Variants in GGNBP2 observed in about 807,000 individuals in gnomAD.
GGNBP2 encodes gametogenetin-binding protein 2.
A neutral mutation model predicts 85.9 loss-of-function variants in GGNBP2; 10 were observed. The ratio of observed to expected loss-of-function variants is 0.12; its 90% CI spans 0.07 to 0.20. The LOEUF is 0.20. Among genes scored for constraint, GGNBP2 ranks in the 10% least tolerant of loss-of-function variants. The pLI, the probability that GGNBP2 is intolerant of heterozygous loss-of-function variation, is 1.00. For missense variants in GGNBP2, 595 were observed against 857.8 expected (o/e 0.69, Z 3.83); for synonymous variants, 287 against 285.7 (o/e 1.00, Z -0.05).
chr17:36,566,676 G>A (rs1476318756), intron 5 of GGNBP2, among the ~76,000 whole-genome samples: 1 of 149,488 alleles, frequency 6.7e-6, no homozygotes, highest in Non-Finnish European at 1.5e-5. Flanking sequence ...GCGAGAATCT[G>A]TCTCAAAAAA....
At position 36,557,235 on chromosome 17, in the gene GGNBP2, T is replaced by A; in HGVS notation, c.327T>A (p.Pro109=). 3.1e-6 allele frequency: 5 copies of A among 1,614,190 alleles called. No homozygotes were observed. The highest frequency in any genetic ancestry group is 4.2e-6 in the Non-Finnish European group (5 of 1,180,028). ...LFSQLVESGN[P]ALEPLTVGPK... ...CCCAGCTTGTAGAGTCTGGAAATCC[T>A]GCTCTTGAACCCCTAACAGTAGGGC... Residue 109 remains proline (P), a synonymous_variant, in exon 4 of 14, where the codon CCT becomes CCA. Transcript: ENST00000613102.
At chr17:36,579,540 G>A in intron 8 of GGNBP2, 121 bp downstream of exon 8, 1 of 831,986 alleles carries the variant, frequency 1.2e-6, no homozygotes, top group Non-Finnish European at 1.9e-6. Context: ...TCATGGATTT[G>A]GCTGGATATT....
intron 4 of GGNBP2, among the ~76,000 whole-genome samples, chr17:36,559,457 T>A (rs929246412): frequency 6.6e-6 from 1 of 152,090 alleles, no homozygotes; most frequent in South Asian, 2.1e-4. Flanking sequence ...GGGTTAGAGA[T>A]GTAAATTTGT....
chr17:36,547,055 CA>C (rs2074262184), intron 2 of GGNBP2: 1 of 151,932 alleles, frequency 6.6e-6, no homozygotes, highest in African/African-American at 2.4e-5. Context: ...ATTTATTTTT[CA>C]TGAAAAAAGG....
At position 36,585,469 on chromosome 17, in the gene GGNBP2, TTTAAAATGAACTC is replaced by T; in HGVS notation, c.1366+24_1366+36del. 1 of 1,536,516 alleles carries T rather than the reference TTTAAAATGAACTC, an allele frequency of 6.5e-7. No homozygotes were observed. Among genetic ancestry groups the T allele is most frequent in the Non-Finnish European group, 8.9e-7 (1 of 1,123,006 alleles). On this transcript the variant is annotated intron_variant, in intron 10 of 13. Transcript: ENST00000613102. ...AAGAAAGGTAAGTAAATAATTTCTT[TTTAAAATGAACTC>T]TTAACTCTATTCTTTCTTACTGTTA...
intron 1 of GGNBP2, 52 bp from the exon 2 acceptor site, chr17:36,545,567 A>C: frequency 3.3e-6 from 2 of 597,220 alleles, no homozygotes; most frequent in Non-Finnish European, 6.0e-6. Context: ...CCCCGTGGCG[A>C]ATGTGCTGCG....
rs536731827 is a variant in GGNBP2 at position 36,580,266 on chromosome 17, G to A, written c.1020+847G>A. Among the ~76,000 whole-genome samples, 5 of 148,914 alleles carry A rather than the reference G, an allele frequency of 3.4e-5. No individual in the cohort carries two copies. In the Admixed American group the frequency reaches 3.4e-4, roughly 10 times the overall value. On this transcript the variant is annotated intron_variant, in intron 8 of 13. Transcript: ENST00000613102. ...TCTGTTACCCAGGCTGGAGTGCAGT[G>A]GCATGATCTCGGCTCACTGCAAGCT...
intron 6 of GGNBP2, chr17:36,575,176 G>A (rs890464489): frequency 2.8e-5 from 18 of 651,698 alleles, no homozygotes; most frequent in South Asian, 1.3e-4. Context: ...CTTTATCCTC[G>A]GCCTTGCCTC....
chr17:36,586,062 G>A lies in GGNBP2; in HGVS notation c.1505G>A (p.Cys502Tyr). The A allele has an allele frequency of 6.2e-7, 1 of 1,613,650 alleles. No individual in the cohort carries two copies. Among genetic ancestry groups the A allele is most frequent in the African/African-American group, 1.3e-5 (1 of 75,024 alleles). Reference sequence around the variant, plus strand: ...TTGATTTCTGCAGGTGATGACTCTTGTGTTCATCACTGTGAAGACAAAGAG... The same window carrying A: ...TTGATTTCTGCAGGTGATGACTCTTATGTTCATCACTGTGAAGACAAAGAG... ...CNHDEHGDDSCVHHCEDKEDD... is the reference protein window; with the variant it reads ...CNHDEHGDDSYVHHCEDKEDD... The change falls in exon 12 of 14, where the codon TGT (cysteine) becomes TAT (tyrosine). Residue 502 changes from cysteine to tyrosine, a missense_variant. This residue lies in a region of GGNBP2 where 35 missense variants were observed against 49.6 expected (regional missense o/e 0.71). Transcript: ENST00000613102.
At chr17:36,583,619 C>T (rs543123415) in intron 9 of GGNBP2, among the ~76,000 whole-genome samples, 11 of 152,076 alleles carry the variant, frequency 7.2e-5, no homozygotes, top group East Asian at 1.9e-4. Context: ...CCACCATGCC[C>T]GGCTAATTTT....
chr17:36,559,301 A>T (rs1167720860), intron 4 of GGNBP2, among the ~76,000 whole-genome samples: 2 of 149,760 alleles, frequency 1.3e-5, no homozygotes, highest in African/African-American at 4.9e-5. Flanking sequence ...TGTCTCAAAA[A>T]AAAAAAAAAA....
rs2074734817 is a variant in GGNBP2 at position 36,589,317 on chromosome 17, A to G, written c.2000A>G (p.Gln667Arg). The G allele has an allele frequency of 6.2e-7, 1 of 1,613,808 alleles. No individual in the cohort carries two copies. The highest frequency in any genetic ancestry group is 8.5e-7 in the Non-Finnish European group (1 of 1,179,666). Residue 667 changes from glutamine (Q) to arginine (R), a missense_variant, in exon 14 of 14, where the codon CAG becomes CGG. Gln to Arg is a conservative substitution (Grantham distance 43). Coordinates refer to ENST00000613102, the MANE Select transcript of GGNBP2 (RefSeq NM_024835.5). ...TACAGCAATAGAGAACAATACCGAC[A>G]GCATCTGAAGGAGAAATTTAATAAA... ...SFYSNREQYRQHLKEKFNKYC... is the reference protein window; with the variant it reads ...SFYSNREQYRRHLKEKFNKYC...
Position 36,581,375 on chromosome 17 carries a change from G to A in GGNBP2, c.1052G>A (p.Arg351Lys). The A allele has an allele frequency of 6.2e-7, 1 of 1,613,222 alleles. No homozygotes were observed. The highest frequency in any genetic ancestry group is 8.5e-7 in the Non-Finnish European group (1 of 1,179,528). Residue 351 changes from arginine to lysine, a missense_variant, in exon 9 of 14, where the codon AGA (arginine) becomes AAA (lysine). Transcript: ENST00000613102. ...GTGGAAAAAGTACAGGGTATTAGCAGATTGGAACAACTTTGTGAGGAATTT... is the reference window on the plus strand; with the variant it reads ...GTGGAAAAAGTACAGGGTATTAGCAAATTGGAACAACTTTGTGAGGAATTT... ...MTVEKVQGIS[R>K]LEQLCEEFSE... is the part of the protein sequence containing the mutation.
At chr17:36,551,351 C>T (rs780435500) in intron 2 of GGNBP2, among the ~76,000 whole-genome samples, 6 of 151,982 alleles carry the variant, frequency 3.9e-5, no homozygotes, top group Non-Finnish European at 7.4e-5. Context: ...GGATTACAGG[C>T]ATGTGCCACT....
In GGNBP2 at chr17:36,567,760, T is replaced by C; in HGVS notation, c.625T>C (p.Tyr209His). The change falls in exon 6 of 14, where the codon TAT (tyrosine) becomes CAT (histidine). Residue 209 changes from tyrosine (Y) to histidine (H), a missense_variant. By Grantham distance (83) the Tyr-to-His change is moderately conservative. This residue lies in a region of GGNBP2 where 216 missense variants were observed against 293.4 expected (regional missense o/e 0.74). Coordinates refer to ENST00000613102, the MANE Select transcript of GGNBP2 (RefSeq NM_024835.5). ...TTGTCTTTTAGAAACACTAGAAACA[T>C]ATCTGCGAAAACACAGGTAAGTCTG... Reference protein sequence around the residue: ...SSCLLETLETYLRKHRFCTDC... With the variant: ...SSCLLETLETHLRKHRFCTDC... 6.3e-7 allele frequency: 1 copy of C among 1,583,862 alleles called. No homozygotes were observed. The highest frequency in any genetic ancestry group is 8.7e-7 in the Non-Finnish European group (1 of 1,152,876).
chr17:36,581,336 T>G lies in GGNBP2; in HGVS notation c.1021-8T>G. The stretch of plus-strand genomic sequence containing the variant: ...CAATATTCACCCTCAACCTTATTTT[T>G]ATAATAGATGACCGTGGAAAAAGTA... On this transcript the variant is annotated splice_polypyrimidine_tract_variant and splice_region_variant and intron_variant, in intron 8 of 13. Coordinates refer to ENST00000613102, the MANE Select transcript of GGNBP2 (RefSeq NM_024835.5). 6.4e-7 allele frequency: 1 copy of G among 1,565,584 alleles called. No individual in the cohort carries two copies.
Position 36,560,857 on chromosome 17 carries a change from G to A in GGNBP2, c.513G>A (p.Lys171=). 1.9e-6 allele frequency: 3 copies of A among 1,582,326 alleles called. No homozygotes were observed. The highest frequency in any genetic ancestry group is 2.6e-6 in the Non-Finnish European group (3 of 1,161,150). ...AGTTGCACTCCTTAGATACGCACAA[G>A]CCAAAACCTTTGGGGTAAGTAGAAT... is the stretch of plus-strand genomic sequence containing the variant. The part of the protein sequence containing the change: ...RCQLHSLDTH[K]PKPLGGCWMD... The change falls in exon 5 of 14, where the codon AAG becomes AAA. Residue 171 remains lysine (K), a synonymous_variant. Transcript: ENST00000613102.
At chr17:36,577,943 C>T in intron 6 of GGNBP2, 40 bp from the exon 7 acceptor site, 3 of 1,482,996 alleles carry the variant, frequency 2.0e-6, no homozygotes, top group Non-Finnish European at 2.8e-6. Context: ...GAAATAATTG[C>T]ACAGCCATTT....
At chr17:36,579,542 C>A in intron 8 of GGNBP2, 123 bp downstream of exon 8, 1 of 816,496 alleles carries the variant, frequency 1.2e-6, no homozygotes, top group Non-Finnish European at 1.9e-6. Flanking sequence ...ATGGATTTGG[C>A]TGGATATTGT....
Sources: gnomAD v4.1 joint callset for allele counts (sites outside exome capture counted in the v4.1 genomes callset) on GRCh38, gnomAD v4.1.1 for gene constraint, gnomAD v4.1.1 regional missense constraint, MANE v1.5 for transcripts, NCBI Gene and HGNC (gene_info 2026-07-23, HGNC 2026-07-21) for gene names.